The following PHF21B variants were observed in gnomAD, a reference collection of about 807,000 sequenced individuals.
The protein encoded by PHF21B is PHD finger protein 4.
PHF21B carries 22 observed loss-of-function variants against 62.2 expected under a neutral mutation model. That is an observed-to-expected ratio of 0.35 (90% CI 0.25 to 0.51). The LOEUF is 0.51. Ranked by LOEUF, PHF21B falls within the 20% of genes least tolerant of loss-of-function variation. The pLI, the probability that PHF21B is intolerant of heterozygous loss-of-function variation, is 0.97. For missense variants in PHF21B, 701 were observed against 707.9 expected, an observed-to-expected ratio of 0.99 and a Z score of 0.11; for synonymous variants, 341 against 314.7, an observed-to-expected ratio of 1.08 and a Z score of -0.88.
intron 2 of PHF21B, among the ~76,000 whole-genome samples, chr22:44,928,217 C>T (rs911039045): frequency 6.6e-6 from 1 of 152,194 alleles, no homozygotes; most frequent in African/African-American, 2.4e-5. Flanking sequence ...CGCTTCAGCA[C>T]GCACCACCAG....
chr22:44,983,553 AACACC>A (rs2072881652), intron 2 of PHF21B, among the ~76,000 whole-genome samples: 1 of 152,150 alleles, frequency 6.6e-6, no homozygotes, highest in African/African-American at 2.4e-5. Context: ...GGCCGTCGCA[AACACC>A]ACACCAAAGG....
intron 2 of PHF21B, among the ~76,000 whole-genome samples, chr22:44,934,472 CAG>C (rs780305000): frequency 1.3e-5 from 2 of 152,110 alleles, no homozygotes; most frequent in Non-Finnish European, 2.9e-5. Flanking sequence ...TCGTCCCAGG[CAG>C]AGAGGGACAG....
intron 2 of PHF21B, among the ~76,000 whole-genome samples, chr22:44,948,706 AAGAG>A (rs1464393343): frequency 1.3e-5 from 2 of 151,588 alleles, no homozygotes; most frequent in Non-Finnish European, 2.9e-5. Flanking sequence ...AAAAAAAAAA[AAGAG>A]AGACAGAGAA....
chr22:44,976,317 G>A (rs1165204202), intron 2 of PHF21B, among the ~76,000 whole-genome samples: 1 of 152,108 alleles, frequency 6.6e-6, no homozygotes, highest in Non-Finnish European at 1.5e-5. Flanking sequence ...TCTTTGTGGT[G>A]AGAACACTCA....
intron 3 of PHF21B, among the ~76,000 whole-genome samples, chr22:44,920,116 T>C (rs1395301450): frequency 6.6e-6 from 1 of 152,268 alleles, no homozygotes; most frequent in African/African-American, 2.4e-5. Context: ...CATATCTTGA[T>C]ATTTCCATTC....
intron 2 of PHF21B, among the ~76,000 whole-genome samples, chr22:44,934,182 C>T (rs2071799343): frequency 6.6e-6 from 1 of 152,176 alleles, no homozygotes; most frequent in African/African-American, 2.4e-5. Flanking sequence ...GCACGGGGCT[C>T]AGAGTCCCAT....
Position 44,893,657 on chromosome 22 carries a change from T to A in PHF21B, c.884-124A>T. 4.2e-6 allele frequency: 4 copies of A among 943,364 alleles called. No homozygotes were observed. In the South Asian group the frequency reaches 6.2e-5, roughly 15 times the overall value. The allele number at this position is 943,364 out of a possible 1,614,324, so 58.4% of individuals were successfully genotyped here. A position where few individuals can be genotyped will look rare whatever the true frequency, so the allele number is the denominator to read the frequency against. ...CTGAAGCCTCTCTGTGTGCTCAGCA[T>A]CCATGCCACAGAATGGCCCAGGGTG... On this transcript the variant is annotated intron_variant, in intron 6 of 12. Coordinates refer to ENST00000313237, the MANE Select transcript of PHF21B (RefSeq NM_138415.5).
At chr22:44,920,654 C>T (rs188994831) in intron 2 of PHF21B, among the ~76,000 whole-genome samples, 164 bp from the exon 3 acceptor site, 2 of 152,332 alleles carry the variant, frequency 1.3e-5, no homozygotes, top group African/African-American at 4.8e-5. Context: ...AATCGATATT[C>T]CTTCCAGAAA....
chr22:44,893,580 G>A (rs977101440), intron 6 of PHF21B, 47 bp from the exon 7 acceptor site: 2 of 1,546,876 alleles, frequency 1.3e-6, no homozygotes, highest in Admixed American at 1.9e-5. Context: ...CCTGCCCTGG[G>A]AACCCCAAAT....
At chr22:45,001,282 T>C (rs2073213306) in intron 2 of PHF21B, 1 of 152,248 alleles carries the variant, frequency 6.6e-6, no homozygotes, top group African/African-American at 2.4e-5. Flanking sequence ...AGTCCCAGGA[T>C]TATCCTGACA....
intron 2 of PHF21B, among the ~76,000 whole-genome samples, chr22:44,967,519 C>A (rs921501727): frequency 1.3e-5 from 2 of 152,152 alleles, no homozygotes; most frequent in Non-Finnish European, 2.9e-5. Flanking sequence ...CTGTGCCCGG[C>A]CAGTCTTTTA....
chr22:44,935,010 G>C (rs1467520288), intron 2 of PHF21B, among the ~76,000 whole-genome samples: 4 of 152,194 alleles, frequency 2.6e-5, no homozygotes, highest in African/African-American at 4.8e-5. Flanking sequence ...TCCAGAAGAA[G>C]TTCCCAGGGC....
intron 2 of PHF21B, among the ~76,000 whole-genome samples, chr22:44,996,486 C>T (rs2073124640): frequency 6.6e-6 from 1 of 152,048 alleles, no homozygotes; most frequent in Non-Finnish European, 1.5e-5. Flanking sequence ...TTTCACCTAA[C>T]TTTCAATCTG....
rs561843180 is a variant in PHF21B at position 44,997,484 on chromosome 22, GT to G, written c.120+11060del. The stretch of plus-strand genomic sequence containing the variant: ...CATTCAATGGGGCTGTCAACCCAGA[GT>G]TTAACAAATAATTCCGGCATTTATC... On this transcript the variant is annotated intron_variant, in intron 2 of 12. Coordinates refer to ENST00000313237, the MANE Select transcript of PHF21B (RefSeq NM_138415.5). 7.2e-5 allele frequency among the ~76,000 whole-genome samples: 11 copies of G among 152,198 alleles called. No individual in the cohort carries two copies. In the East Asian group the frequency reaches 2.1e-3, roughly 29 times the overall value.
intron 2 of PHF21B, among the ~76,000 whole-genome samples, chr22:44,941,441 T>G (rs1041795137): frequency 6.6e-6 from 1 of 152,124 alleles, no homozygotes; most frequent in African/African-American, 2.4e-5. Flanking sequence ...AGTCTCCTCC[T>G]CCTCCCCCGA....
intron 9 of PHF21B, among the ~76,000 whole-genome samples, chr22:44,888,433 G>T (rs1331375960): frequency 6.6e-6 from 1 of 152,162 alleles, no homozygotes; most frequent in Non-Finnish European, 1.5e-5. Context: ...TGGACCCCAG[G>T]TGCGGGCGAC....
At chr22:44,893,663 C>A (rs2071007006) in intron 6 of PHF21B, 130 bp from the exon 7 acceptor site, 1 of 894,668 alleles carries the variant, frequency 1.1e-6, no homozygotes, top group East Asian at 2.7e-5. Flanking sequence ...AGCATCCATG[C>A]CACAGAATGG....
chr22:44,975,536 CAG>C (rs1315152194), intron 2 of PHF21B, among the ~76,000 whole-genome samples: 1 of 152,234 alleles, frequency 6.6e-6, no homozygotes, highest in African/African-American at 2.4e-5. Flanking sequence ...GCCCTGACAG[CAG>C]AGAGGGTTTT....
intron 2 of PHF21B, among the ~76,000 whole-genome samples, chr22:44,955,386 G>A (rs967014102): frequency 1.3e-5 from 2 of 152,194 alleles, no homozygotes; most frequent in Non-Finnish European, 2.9e-5. Flanking sequence ...AATTTCACAC[G>A]GCAGCCTGAC....
Sources: gnomAD v4.1 joint callset for allele counts (sites outside exome capture counted in the v4.1 genomes callset) on GRCh38, gnomAD v4.1.1 for gene constraint, MANE v1.5 for transcripts, NCBI Gene and HGNC (gene_info 2026-07-23, HGNC 2026-07-21) for gene names.